MBNL2: variants seen among roughly 807,000 people sequenced by gnomAD.
MBNL2 encodes the protein muscleblind like splicing regulator 2.
MBNL2 carries 17 observed loss-of-function variants against 41.9 expected under a neutral mutation model. The observed-to-expected ratio is 0.41, with a 90% CI of 0.28 to 0.61. MBNL2 has a LOEUF of 0.61. Among genes scored for constraint, MBNL2 ranks in the 20% least tolerant of loss-of-function variants. The pLI, the probability that MBNL2 is intolerant of heterozygous loss-of-function variation, is 0.35. For missense variants in MBNL2, 336 were observed against 505.6 expected, an observed-to-expected ratio of 0.66 and a Z score of 3.22; for synonymous variants, 195 against 182.9, an observed-to-expected ratio of 1.07 and a Z score of -0.53.
chr13:97,359,160 T>A (rs2153108976), intron 7 of MBNL2, among the ~76,000 whole-genome samples: 1 of 152,272 alleles, frequency 6.6e-6, no homozygotes, highest in East Asian at 1.9e-4. Context: ...GTAATCTAAT[T>A]GAAATAACAC....
chr13:97,163,287 C>T, the MBNL2 span, among the ~76,000 whole-genome samples: 3 of 152,120 alleles, frequency 2.0e-5, no homozygotes, highest in African/African-American at 4.8e-5. Context: ...ACCATGTATT[C>T]AAACTTGTAA....
rs2050372321 is a variant in MBNL2, at chr13:97,268,949, G to A, written c.-604-6683G>A. 1.3e-5 allele frequency among the ~76,000 whole-genome samples: 2 copies of A among 152,208 alleles called. No homozygotes were observed. The highest frequency in any genetic ancestry group is 2.4e-5 in the African/African-American group (1 of 41,468). ...TCAAAAGGGAAAGGACGAAGGAGGG[G>A]GCGCTGTTCCGGATGCAGGCCCGTG... On this transcript the variant is annotated intron_variant, in intron 1 of 8. Coordinates refer to ENST00000679496, the MANE Select transcript of MBNL2 (RefSeq NM_001382683.1). This position sits in a 1 kb window ranked among gnomAD's most constrained non-coding sequence, Gnocchi z 4.6.
At chr13:97,190,091 G>A in the MBNL2 span, among the ~76,000 whole-genome samples, 2 of 152,320 alleles carry the variant, frequency 1.3e-5, no homozygotes, top group Admixed American at 1.3e-4. Context: ...GTGGACCCCT[G>A]GCTTAGTTTC....
chr13:97,282,615 T>C (rs2053650248), intron 2 of MBNL2, among the ~76,000 whole-genome samples: 1 of 152,124 alleles, frequency 6.6e-6, no homozygotes, highest in Non-Finnish European at 1.5e-5. Flanking sequence ...CTTAAGTCAG[T>C]TTTATAATGC....
At chr13:97,309,638 T>C (rs931932841) in intron 2 of MBNL2, among the ~76,000 whole-genome samples, 2 of 152,156 alleles carry the variant, frequency 1.3e-5, no homozygotes, top group Non-Finnish European at 2.9e-5. Context: ...GCCACCCAGC[T>C]TGTAGTACTT....
the MBNL2 span, among the ~76,000 whole-genome samples, chr13:97,190,211 C>T: frequency 6.6e-6 from 1 of 152,182 alleles, no homozygotes. Flanking sequence ...AGGATGCTGA[C>T]GGTGATCTGA....
At chr13:97,352,509 C>T (rs532921561) in intron 5 of MBNL2, among the ~76,000 whole-genome samples, 1 of 152,162 alleles carries the variant, frequency 6.6e-6, no homozygotes, top group Non-Finnish European at 1.5e-5. Context: ...TGACGTTTAT[C>T]GATTAAGTTT....
chr13:97,309,024 A>G (rs1001411022), intron 2 of MBNL2, among the ~76,000 whole-genome samples: 1 of 152,190 alleles, frequency 6.6e-6, no homozygotes, highest in South Asian at 2.1e-4. Context: ...GTGCAGAAAG[A>G]GCCCATGAGC....
chr13:97,277,978 G>A (rs78751543), intron 2 of MBNL2, among the ~76,000 whole-genome samples: 4,109 of 151,844 alleles, frequency 0.027, 73 homozygotes, highest in Non-Finnish European at 0.039. Context: ...AGTGTAGGCC[G>A]GGCATGGTGG....
At chr13:97,146,807 G>A in the MBNL2 span, among the ~76,000 whole-genome samples, 3 of 152,266 alleles carry the variant, frequency 2.0e-5, no homozygotes, top group African/African-American at 7.2e-5. Context: ...GGATGAGGTG[G>A]GCAAAACCAA....
rs150566645 is a variant in MBNL2 at position 97,235,878 on chromosome 13, G to GA, written c.-605+13360dup. Among the ~76,000 whole-genome samples the GA allele has an allele frequency of 9.0e-3, 1,273 of 140,846 alleles. 30 individuals are homozygous for GA. Among genetic ancestry groups the GA allele is most frequent in the Admixed American group, 0.046 (652 of 14,118 alleles). 92.4% of individuals were successfully genotyped at this position (140,846 alleles called of 152,430 possible). A position where few individuals can be genotyped will look rare whatever the true frequency, so the allele number is the denominator to read the frequency against. Reference sequence around the variant, plus strand: ...CCATCTTGCTCCCTAGTTACAAACAGAAAAAAAAAAAAATCAAAACCATAT... The same window carrying GA: ...CCATCTTGCTCCCTAGTTACAAACAGAAAAAAAAAAAAAATCAAAACCATAT... On this transcript the variant is annotated intron_variant, in intron 1 of 8. Coordinates refer to ENST00000679496, the MANE Select transcript of MBNL2 (RefSeq NM_001382683.1).
intron 3 of MBNL2, among the ~76,000 whole-genome samples, chr13:97,338,944 C>G (rs1004231204): frequency 5.9e-5 from 9 of 152,130 alleles, no homozygotes; most frequent in Non-Finnish European, 1.2e-4. Flanking sequence ...TGGCCATTAC[C>G]CTTGGCTAAG....
rs1046056509 is a variant in MBNL2 at position 97,296,766 on chromosome 13, A to G, written c.174+20357A>G. Among the ~76,000 whole-genome samples the G allele has an allele frequency of 3.3e-5, 5 of 152,336 alleles. No individual in the cohort carries two copies. The East Asian group carries it at 9.7e-4, about 29-fold the overall frequency. On this transcript the variant is annotated intron_variant, in intron 2 of 8. Transcript: ENST00000679496. The stretch of plus-strand genomic sequence containing the variant: ...CATACTAGAAAATGAGGGAGGCTAG[A>G]CCAACAGAAGATTTCTAGATCTTTG...
At chr13:97,225,338 G>A (rs902028643) in intron 1 of MBNL2, among the ~76,000 whole-genome samples, 7 of 151,960 alleles carry the variant, frequency 4.6e-5, no homozygotes, top group Non-Finnish European at 8.8e-5. Flanking sequence ...CCGATAACAA[G>A]AAAAAGATGA....
chr13:97,346,849 G>C lies in MBNL2; in HGVS notation c.586G>C (p.Asp196His), dbSNP rs754929633. The C allele has an allele frequency of 2.5e-6, 4 of 1,614,038 alleles. No homozygotes were observed. Among genetic ancestry groups the C allele is most frequent in the East Asian group, 2.2e-5 (1 of 44,864 alleles). Residue 196 changes from aspartate (D) to histidine (H), a missense_variant, in exon 5 of 9, where the codon GAC becomes CAC. Asp to His is a moderately conservative substitution (Grantham distance 81, BLOSUM62 -1). Coordinates refer to ENST00000679496, the MANE Select transcript of MBNL2 (RefSeq NM_001382683.1). The surrounding 1 kb of genome is among the most constrained non-coding windows in gnomAD (Gnocchi z 4.2). ...AGGAAACTGTGCCCGGGGAGAGACC[G>C]ACTGCCGCTTTGCACACCCCGCAGA... The part of the protein sequence containing the change: ...QRGNCARGET[D>H]CRFAHPADST...
At chr13:97,295,719 AAC>A (rs1333085630) in intron 2 of MBNL2, among the ~76,000 whole-genome samples, 1 of 152,186 alleles carries the variant, frequency 6.6e-6, no homozygotes, top group Non-Finnish European at 1.5e-5. Flanking sequence ...AGAGCACAGT[AAC>A]AGTTTGGGGA....
At chr13:97,259,296 AAAG>A (rs2048150911) in intron 1 of MBNL2, among the ~76,000 whole-genome samples, 2 of 152,156 alleles carry the variant, frequency 1.3e-5, no homozygotes, top group African/African-American at 4.8e-5. Flanking sequence ...GAGAACATGT[AAAG>A]AAGAAGAATA....
At chr13:97,387,650 G>A (rs1260101480) in intron 8 of MBNL2, among the ~76,000 whole-genome samples, 2 of 152,202 alleles carry the variant, frequency 1.3e-5, no homozygotes, top group Admixed American at 1.3e-4. Flanking sequence ...CCCTGGAGGG[G>A]ATGCCTTCAC....
At chr13:97,315,486 T>C (rs1179968407) in intron 2 of MBNL2, among the ~76,000 whole-genome samples, 1 of 152,216 alleles carries the variant, frequency 6.6e-6, no homozygotes, top group Non-Finnish European at 1.5e-5. Context: ...CTGATATTGA[T>C]AATGGTTAAT....
Sources: allele counts gnomAD v4.1 joint callset (sites outside exome capture counted in the v4.1 genomes callset), GRCh38; gene constraint gnomAD v4.1.1; non-coding constraint Gnocchi (gnomAD v3.1); transcripts MANE v1.5; gene names NCBI Gene and HGNC (gene_info 2026-07-23, HGNC 2026-07-21).